The following IGSF9B variants were observed in gnomAD, a reference collection of about 807,000 sequenced individuals.
The protein encoded by IGSF9B is protein turtle homolog B.
IGSF9B carries 48 observed loss-of-function variants against 143.7 expected under a neutral mutation model. That is an observed-to-expected ratio of 0.33 (90% CI 0.26 to 0.42). The LOEUF (loss-of-function observed/expected upper bound fraction) is 0.42, where lower values mean the gene tolerates loss of function less well. IGSF9B is among the 20% of genes least tolerant of loss of function. The probability of loss-of-function intolerance (pLI) is 1.00; values close to 1 mark genes in which losing one functional copy is unlikely to be tolerated. For missense variants in IGSF9B, 1,706 were observed against 1,980.0 expected, an observed-to-expected ratio of 0.86 and a Z score of 2.63; for synonymous variants, 903 against 833.1, an observed-to-expected ratio of 1.08 and a Z score of -1.44.
rs183687071 is a variant in IGSF9B at position 133,945,203 on chromosome 11, G to A, written c.263-837C>T. 2.5e-3 allele frequency among the ~76,000 whole-genome samples: 388 copies of A among 152,228 alleles called. No homozygotes were observed. Among genetic ancestry groups the A allele is most frequent in the Non-Finnish European group, 4.4e-3 (302 of 68,004 alleles). On this transcript the variant is annotated intron_variant, in intron 2 of 19. Coordinates refer to ENST00000533871, the MANE Select transcript of IGSF9B (RefSeq NM_001277285.4). This position sits in a 1 kb window ranked among gnomAD's most constrained non-coding sequence, Gnocchi z 4.6. ...ACCCGCTCTTAGCTCACCCCTCACC[G>A]CAGCCAATATCACCACACCTCTGCT...
Position 133,931,918 on chromosome 11 carries a change from C to T in IGSF9B, c.1111-123G>A, listed in dbSNP as rs568752926. 3.9e-5 allele frequency: 58 copies of T among 1,495,356 alleles called. No homozygotes were observed. Among genetic ancestry groups the T allele is most frequent in the Admixed American group, 4.8e-5 (2 of 41,460 alleles). 92.6% of individuals were successfully genotyped at this position (1,495,356 alleles called of 1,614,324 possible). On this transcript the variant is annotated intron_variant, in intron 8 of 19. Coordinates refer to ENST00000533871, the MANE Select transcript of IGSF9B (RefSeq NM_001277285.4). This position sits in a 1 kb window ranked among gnomAD's most constrained non-coding sequence, Gnocchi z 7.7. ...TACAGGAGCTCCAGCCCGGGGCGGG[C>T]GGCACCCGCAGACCCCTACAGAAGC...
intron 11 of IGSF9B, 118 bp from the exon 12 acceptor site, chr11:133,929,900 T>A: frequency 1.5e-6 from 1 of 662,868 alleles, no homozygotes; most frequent in Non-Finnish European, 2.7e-6. Context: ...AGCACAATAC[T>A]GCAAGTGAAG....
chr11:133,922,423 C>T, intron 16 of IGSF9B, 146 bp downstream of exon 16: 1 of 974,722 alleles, frequency 1.0e-6, no homozygotes, highest in Non-Finnish European at 1.5e-6. Context: ...CCCCCACTTT[C>T]AAATCAAGTC....
chr11:133,899,479 G>A lies in IGSF9B; in HGVS notation c.*9590C>T, dbSNP rs994072048. The A allele has an allele frequency of 1.3e-5, 2 of 152,292 alleles. No individual in the cohort carries two copies. Among genetic ancestry groups the A allele is most frequent in the African/African-American group, 4.8e-5 (2 of 41,454 alleles). 9.4% of individuals were successfully genotyped at this position (152,292 alleles called of 1,614,324 possible). ...CCCCTCCACACTGTACAATTTCAAG[G>A]TAGGGGCTATGGCCCCATCTTCCCT... On this transcript the variant is annotated 3_prime_UTR_variant, in exon 20 of 20. Transcript: ENST00000533871.
At chr11:133,951,126 G>A (rs577369975) in intron 1 of IGSF9B, among the ~76,000 whole-genome samples, 10 of 152,184 alleles carry the variant, frequency 6.6e-5, no homozygotes, top group Non-Finnish European at 1.0e-4. Flanking sequence ...GAGGAAGGCA[G>A]GAGGAAGGCG....
chr11:133,927,894 G>A (rs888894485), intron 12 of IGSF9B, among the ~76,000 whole-genome samples: 4 of 152,166 alleles, frequency 2.6e-5, no homozygotes, highest in South Asian at 2.1e-4. Flanking sequence ...TACCGTGCAC[G>A]CCCAGGAGGG....
chr11:133,901,626 T>TAA lies in IGSF9B; in HGVS notation c.*7441_*7442dup, dbSNP rs1456021773. 6.6e-6 allele frequency: 1 copy of TAA among 152,146 alleles called. No individual in the cohort carries two copies. The highest frequency in any genetic ancestry group is 1.5e-5 in the Non-Finnish European group (1 of 68,020). The allele number at this position is 152,146 out of a possible 1,614,324, so 9.4% of individuals were successfully genotyped here. On this transcript the variant is annotated 3_prime_UTR_variant, in exon 20 of 20. Coordinates refer to ENST00000533871, the MANE Select transcript of IGSF9B (RefSeq NM_001277285.4). ...ATAGAACCAATTCTGTAGATTTATA[T>TAA]AATTTTATGTACAGTCTCCATAAAA...
chr11:133,934,777 T>C (rs1939791982), intron 7 of IGSF9B, among the ~76,000 whole-genome samples: 2 of 152,108 alleles, frequency 1.3e-5, no homozygotes, highest in South Asian at 4.2e-4. Flanking sequence ...CCCGGTCTTG[T>C]CTCCAGACTG....
At chr11:133,923,031 A>G (rs1009195243) in intron 15 of IGSF9B, among the ~76,000 whole-genome samples, 2 of 152,236 alleles carry the variant, frequency 1.3e-5, no homozygotes, top group Non-Finnish European at 2.9e-5. Context: ...GCCTTCTGCA[A>G]AGCACCTTCA....
Position 133,896,520 on chromosome 11 carries a change from A to G in IGSF9B, c.*12549T>C, listed in dbSNP as rs545590384. 1.4e-4 allele frequency: 21 copies of G among 152,362 alleles called. No homozygotes were observed. Among genetic ancestry groups the G allele is most frequent in the African/African-American group, 5.0e-4 (21 of 41,590 alleles). 9.4% of individuals were successfully genotyped at this position (152,362 alleles called of 1,614,324 possible). On this transcript the variant is annotated 3_prime_UTR_variant, in exon 20 of 20. Transcript: ENST00000533871. Reference sequence around the variant, plus strand: ...GTTACATGAGGAGCAATTAAATACTAAACGTCTTTTCATCAGTTTAACTTG... The same window carrying G: ...GTTACATGAGGAGCAATTAAATACTGAACGTCTTTTCATCAGTTTAACTTG...
intron 1 of IGSF9B, among the ~76,000 whole-genome samples, chr11:133,955,221 A>G (rs1423893811): frequency 6.6e-6 from 1 of 152,102 alleles, no homozygotes; most frequent in East Asian, 1.9e-4. Flanking sequence ...GCGCAGCCCG[A>G]TGCACCTCAC....
intron 1 of IGSF9B, among the ~76,000 whole-genome samples, chr11:133,954,254 A>G (rs888975918): frequency 1.2e-4 from 18 of 152,256 alleles, no homozygotes; most frequent in African/African-American, 4.1e-4. Context: ...GTGTCCTTCC[A>G]TAAACCTCTG....
In IGSF9B at chr11:133,931,516, G is replaced by A; in HGVS notation, c.1305C>T (p.Gly435=). 1.2e-6 allele frequency: 2 copies of A among 1,613,308 alleles called. No individual in the cohort carries two copies. Among genetic ancestry groups the A allele is most frequent in the Non-Finnish European group, 1.7e-6 (2 of 1,179,830 alleles). ...CAGCACAGGGGATAAGTAGCTCCCG[G>A]CCGGCCTCCTGCCTGTACTCCCAGC... The part of the protein sequence containing the change: ...LPGWEYRQEA[G]RELLIPCAAA... Residue 435 remains glycine (G), a synonymous_variant, in exon 10 of 20, where the codon GGC becomes GGT. Transcript: ENST00000533871. This position sits in a 1 kb window ranked among gnomAD's most constrained non-coding sequence, Gnocchi z 7.7.
chr11:133,944,696 T>C (rs1431242033), intron 2 of IGSF9B, among the ~76,000 whole-genome samples: 2 of 152,222 alleles, frequency 1.3e-5, no homozygotes, highest in Admixed American at 1.3e-4. Context: ...TAAGGCATGA[T>C]GGATACAGAG....
At chr11:133,922,768 T>C in intron 15 of IGSF9B, 38 bp from the exon 16 acceptor site, 1 of 1,520,320 alleles carries the variant, frequency 6.6e-7, no homozygotes, top group Non-Finnish European at 8.8e-7. Flanking sequence ...AGCCCATCCT[T>C]CCCCGGGACC....
At chr11:133,951,080 A>T (rs1336764034) in intron 1 of IGSF9B, among the ~76,000 whole-genome samples, 1 of 152,076 alleles carries the variant, frequency 6.6e-6, no homozygotes, top group Non-Finnish European at 1.5e-5. Context: ...AAGCCGGCAG[A>T]CCCGGGGCTC....
chr11:133,939,298 AC>A (rs35769397), intron 3 of IGSF9B, among the ~76,000 whole-genome samples: 19,882 of 152,262 alleles, frequency 0.13, 1,887 homozygotes, highest in East Asian at 0.48. Flanking sequence ...CTCAGATGGC[AC>A]TTCCAGCATT....
chr11:133,945,692 A>C lies in IGSF9B; in HGVS notation c.262+369T>G, dbSNP rs1007525251. ...CAGGACGGGAAGGCGCCCCGACTTC[A>C]GAGCCAAGAGGAAAGGGGTGGGTGC... On this transcript the variant is annotated intron_variant, in intron 2 of 19. Transcript: ENST00000533871. The surrounding 1 kb of genome is among the most constrained non-coding windows in gnomAD (Gnocchi z 4.6). Among the ~76,000 whole-genome samples, 1 of 152,184 alleles carries C rather than the reference A, an allele frequency of 6.6e-6. No individual in the cohort carries two copies. The highest frequency in any genetic ancestry group is 1.5e-5 in the Non-Finnish European group (1 of 68,032).
chr11:133,933,383 T>A (rs486560), intron 7 of IGSF9B, among the ~76,000 whole-genome samples: 1 of 152,186 alleles, frequency 6.6e-6, no homozygotes, highest in East Asian at 1.9e-4. Flanking sequence ...AAGGGGGTAT[T>A]TTTCCTCCCC....
Sources: allele counts gnomAD v4.1 joint callset (sites outside exome capture counted in the v4.1 genomes callset), GRCh38; gene constraint gnomAD v4.1.1; non-coding constraint Gnocchi (gnomAD v3.1); transcripts MANE v1.5; gene names NCBI Gene and HGNC (gene_info 2026-07-23, HGNC 2026-07-21).